CCDC85A: variants seen among roughly 807,000 people sequenced by gnomAD.
The protein encoded by CCDC85A is coiled-coil domain-containing protein 85A.
CCDC85A carries 38 observed loss-of-function variants against 50.2 expected under a neutral mutation model. The observed-to-expected ratio is 0.76, with a 90% CI of 0.58 to 0.99. The LOEUF is 0.99. Among genes scored for constraint, CCDC85A ranks in the 50% least tolerant of loss-of-function variants. The pLI is 0.00. For synonymous variants in CCDC85A, 366 were observed against 301.4 expected (o/e 1.21, Z -2.22); for missense variants, 820 against 742.0 (o/e 1.11, Z -1.22).
At chr2:56,275,646 G>T (rs1019038598) in intron 2 of CCDC85A, among the ~76,000 whole-genome samples, 1 of 152,166 alleles carries the variant, frequency 6.6e-6, no homozygotes, top group African/African-American at 2.4e-5. Flanking sequence ...TGAATACAGG[G>T]ACCCATGTAA....
At chr2:56,290,319 C>CTT (rs913351829) in intron 2 of CCDC85A, among the ~76,000 whole-genome samples, 1 of 150,460 alleles carries the variant, frequency 6.6e-6, no homozygotes, top group Non-Finnish European at 1.5e-5. Context: ...TTTCAGTCTG[C>CTT]TTTTTTTTTC....
intron 2 of CCDC85A, among the ~76,000 whole-genome samples, chr2:56,207,547 C>G (rs1677007819): frequency 6.6e-6 from 1 of 152,138 alleles, no homozygotes; most frequent in Non-Finnish European, 1.5e-5. Context: ...TTTTTTGATT[C>G]TCCTTTTCAC....
intron 2 of CCDC85A, among the ~76,000 whole-genome samples, chr2:56,196,233 TAAACA>T (rs1416098153): frequency 6.6e-6 from 1 of 152,174 alleles, no homozygotes; most frequent in East Asian, 1.9e-4. Flanking sequence ...ATCTCCAAAC[TAAACA>T]AAATTCTCAA....
chr2:56,280,496 A>G (rs188810590), intron 2 of CCDC85A, among the ~76,000 whole-genome samples: 2 of 152,286 alleles, frequency 1.3e-5, no homozygotes, highest in Admixed American at 6.5e-5. Context: ...TCCATAGTAC[A>G]TGCCGAACCA....
At chr2:56,264,400 C>T (rs1336528373) in intron 2 of CCDC85A, among the ~76,000 whole-genome samples, 1 of 152,174 alleles carries the variant, frequency 6.6e-6, no homozygotes, top group Non-Finnish European at 1.5e-5. Flanking sequence ...ATCTTTTCTA[C>T]TTCTAAGACC....
At chr2:56,238,818 G>A (rs1367636194) in intron 2 of CCDC85A, among the ~76,000 whole-genome samples, 1 of 152,092 alleles carries the variant, frequency 6.6e-6, no homozygotes, top group Non-Finnish European at 1.5e-5. Context: ...GTATGTATGT[G>A]TTTATTTATT....
At chr2:56,249,269 C>G (rs1280242756) in intron 2 of CCDC85A, among the ~76,000 whole-genome samples, 1 of 152,218 alleles carries the variant, frequency 6.6e-6, no homozygotes, top group Non-Finnish European at 1.5e-5. Flanking sequence ...AGGGATGTAC[C>G]AATGCCAGAC....
At chr2:56,313,236 G>C (rs1672774763) in intron 2 of CCDC85A, among the ~76,000 whole-genome samples, 1 of 152,048 alleles carries the variant, frequency 6.6e-6, no homozygotes, top group African/African-American at 2.4e-5. Flanking sequence ...CTTTATGTAA[G>C]ACTTTAAGTA....
At chr2:56,318,308 A>T (rs895844751) in intron 2 of CCDC85A, among the ~76,000 whole-genome samples, 1 of 151,948 alleles carries the variant, frequency 6.6e-6, no homozygotes, top group Non-Finnish European at 1.5e-5. Context: ...GCTGTTTTTC[A>T]GTTCCTTCAT....
chr2:56,311,592 A>G (rs912865022), intron 2 of CCDC85A, among the ~76,000 whole-genome samples: 1 of 152,080 alleles, frequency 6.6e-6, no homozygotes, highest in Non-Finnish European at 1.5e-5. Flanking sequence ...AGCATTAGGT[A>G]TATCTCCTAA....
At chr2:56,235,443 A>T (rs1161047619) in intron 2 of CCDC85A, 1 of 152,120 alleles carries the variant, frequency 6.6e-6, no homozygotes, top group Non-Finnish European at 1.5e-5. Flanking sequence ...GCTTACCTTG[A>T]TACTGGTTTT....
At chr2:56,318,445 G>A (rs1237403326) in intron 2 of CCDC85A, among the ~76,000 whole-genome samples, 3 of 152,012 alleles carry the variant, frequency 2.0e-5, no homozygotes, top group Non-Finnish European at 4.4e-5. Context: ...TCATTTCTCA[G>A]AGAGGCCTAG....
intron 3 of CCDC85A, among the ~76,000 whole-genome samples, chr2:56,359,082 G>A (rs970432231): frequency 1.3e-5 from 2 of 151,868 alleles, no homozygotes; most frequent in Admixed American, 6.6e-5. Flanking sequence ...GGGATTACAG[G>A]CATGAGTATG....
At chr2:56,246,882 T>G (rs1416422216) in intron 2 of CCDC85A, among the ~76,000 whole-genome samples, 2 of 152,250 alleles carry the variant, frequency 1.3e-5, no homozygotes, top group Admixed American at 1.3e-4. Flanking sequence ...TTTTTACTTC[T>G]GGCTTCATGG....
At chr2:56,276,658 A>AT (rs1296873364) in intron 2 of CCDC85A, among the ~76,000 whole-genome samples, 1 of 152,180 alleles carries the variant, frequency 6.6e-6, no homozygotes, top group Non-Finnish European at 1.5e-5. Flanking sequence ...TGTAAGTCCA[A>AT]TAAACCTCTT....
intron 2 of CCDC85A, among the ~76,000 whole-genome samples, chr2:56,291,303 G>T (rs1317407391): frequency 2.0e-5 from 3 of 152,184 alleles, no homozygotes; most frequent in Non-Finnish European, 2.9e-5. Flanking sequence ...AGTACTGATG[G>T]AGACCTCCAT....
intron 3 of CCDC85A, among the ~76,000 whole-genome samples, chr2:56,360,601 G>A (rs1054736561): frequency 6.6e-6 from 1 of 152,192 alleles, no homozygotes; most frequent in Admixed American, 6.5e-5. Context: ...AGTTTTGGCT[G>A]TACGTGTTAA....
At chr2:56,375,750 G>T in intron 4 of CCDC85A, 66 bp from the exon 5 acceptor site, 1 of 1,517,396 alleles carries the variant, frequency 6.6e-7, no homozygotes, top group East Asian at 2.3e-5. Flanking sequence ...ATTGAATATT[G>T]AATGACATCT....
At chr2:56,235,136 A>G (rs1270210719) in intron 2 of CCDC85A, 3 of 152,188 alleles carry the variant, frequency 2.0e-5, no homozygotes, top group African/African-American at 7.2e-5. Context: ...ATGTGGTAAG[A>G]GAAAACTATG....
Sources: gnomAD v4.1 joint callset for allele counts (sites outside exome capture counted in the v4.1 genomes callset) on GRCh38, gnomAD v4.1.1 for gene constraint, MANE v1.5 for transcripts, NCBI Gene and HGNC (gene_info 2026-07-23, HGNC 2026-07-21) for gene names.